EEF1E1: variants seen among roughly 807,000 people sequenced by gnomAD.
EEF1E1 encodes eukaryotic translation elongation factor 1 epsilon-1.
A neutral mutation model predicts 19.9 loss-of-function variants in EEF1E1; 19 were observed. The observed-to-expected ratio is 0.95, with a 90% CI of 0.66 to 1.40. The LOEUF is 1.40. Among genes scored for constraint, EEF1E1 ranks in the 40% most tolerant of loss-of-function variants. The pLI, the probability that EEF1E1 is intolerant of heterozygous loss-of-function variation, is 0.00. For synonymous variants in EEF1E1, 81 were observed against 80.0 expected (o/e 1.01, Z -0.07); for missense variants, 198 against 202.2 (o/e 0.98, Z 0.13).
chr6:8,083,922 C>T (rs908039487), intron 3 of EEF1E1, among the ~76,000 whole-genome samples: 7 of 152,120 alleles, frequency 4.6e-5, no homozygotes, highest in Non-Finnish European at 8.8e-5. Context: ...CCCAACTTAA[C>T]TGGAATGTCA....
chr6:8,083,144 C>A (rs890459153), intron 3 of EEF1E1, among the ~76,000 whole-genome samples: 2 of 152,098 alleles, frequency 1.3e-5, no homozygotes, highest in African/African-American at 2.4e-5. Context: ...AACTTTAAAG[C>A]CAAGCAGATA....
intron 1 of EEF1E1, among the ~76,000 whole-genome samples, chr6:8,099,796 A>T (rs1425823721): frequency 6.7e-6 from 1 of 149,616 alleles, no homozygotes; most frequent in East Asian, 2.0e-4. Context: ...ACACACAAAA[A>T]AAAAACAGAA....
rs564995509 is a variant in EEF1E1, at chr6:8,086,947, C to T, written c.384+3239G>A. On this transcript the variant is annotated intron_variant, in intron 3 of 3. Coordinates refer to ENST00000379715, the MANE Select transcript of EEF1E1 (RefSeq NM_004280.5). ...TACAGTAAGAGTGAAATGAGCTAGACCCGAAGTGTACATGAGGTACAAACA... is the reference window on the plus strand; with the variant it reads ...TACAGTAAGAGTGAAATGAGCTAGATCCGAAGTGTACATGAGGTACAAACA... Among the ~76,000 whole-genome samples, 34 of 152,106 alleles carry T rather than the reference C, an allele frequency of 2.2e-4. 2 individuals carry two copies. The South Asian group carries it at 6.2e-3, about 28-fold the overall frequency.
At chr6:8,075,534 CA>C (rs1757569022), downstream of EEF1E1, among the ~76,000 whole-genome samples, 1 of 152,152 alleles carries the variant, frequency 6.6e-6, no homozygotes, top group Admixed American at 6.5e-5. Context: ...TGTCTAAAAC[CA>C]CAATGTATGC....
At chr6:8,091,433 T>C (rs1178001099) in intron 2 of EEF1E1, among the ~76,000 whole-genome samples, 2 of 152,238 alleles carry the variant, frequency 1.3e-5, no homozygotes. Context: ...ATTCTGAATA[T>C]TAACCCCTTA....
intron 2 of EEF1E1, among the ~76,000 whole-genome samples, chr6:8,095,023 A>C (rs965980688): frequency 4.6e-5 from 7 of 152,206 alleles, no homozygotes; most frequent in Non-Finnish European, 8.8e-5. Flanking sequence ...GTAGGCTATT[A>C]GCAATTGAGT....
At chr6:8,085,909 AAC>A (rs1757841267) in intron 3 of EEF1E1, among the ~76,000 whole-genome samples, 1 of 152,174 alleles carries the variant, frequency 6.6e-6, no homozygotes, top group Non-Finnish European at 1.5e-5. Flanking sequence ...TTTCATGTAA[AAC>A]AGTCTAATTT....
rs142809852 is a variant in EEF1E1, at chr6:8,097,367, C to A, written c.188G>T (p.Ser63Ile). 27 of 1,614,024 alleles carry A rather than the reference C, an allele frequency of 1.7e-5. No homozygotes were observed. The Admixed American group carries it at 4.5e-4, about 27-fold the overall frequency. Reference sequence around the variant, plus strand: ...AACGATTGCTTTTTCTTCTGCAGTACTCCCCAGCAAATATTCTTTGTTGGC... The same window carrying A: ...AACGATTGCTTTTTCTTCTGCAGTAATCCCCAGCAAATATTCTTTGTTGGC... ...KQANKEYLLG[S>I]TAEEKAIVQQ... The change falls in exon 2 of 4, where the codon AGT (serine) becomes ATT (isoleucine). Residue 63 changes from serine to isoleucine, a missense_variant. By Grantham distance (142) the Ser-to-Ile change is moderately radical. Transcript: ENST00000379715.
chr6:8,099,646 C>G (rs1758269799), intron 1 of EEF1E1, among the ~76,000 whole-genome samples: 1 of 151,928 alleles, frequency 6.6e-6, no homozygotes, highest in Admixed American at 6.6e-5. Context: ...ACACGGGAGG[C>G]TGAGGCAGGA....
At chr6:8,099,900 G>A (rs1198803982) in intron 1 of EEF1E1, among the ~76,000 whole-genome samples, 2 of 151,908 alleles carry the variant, frequency 1.3e-5, no homozygotes, top group African/African-American at 2.4e-5. Context: ...GTATGTCAAT[G>A]TGTTGATGTA....
rs1265474492 is a variant in EEF1E1 at position 8,090,233 on chromosome 6, AGTTATACCCT to A, written c.327_336del (p.Gly110LeufsTer3). The stretch of plus-strand genomic sequence containing the variant: ...TACAATAGTATATCTGCTAATGTAA[AGTTATACCCT>A]GTAAGGTAGACTTTATCTTCAAGAT... On this transcript the variant is annotated frameshift_variant, in exon 3 of 4. Transcript: ENST00000379715. LOFTEE classifies it high-confidence loss of function. The A allele has an allele frequency of 1.6e-5, 25 of 1,520,278 alleles. No individual in the cohort carries two copies. The highest frequency in any genetic ancestry group is 2.1e-5 in the Non-Finnish European group (24 of 1,143,248). 94.2% of individuals were successfully genotyped at this position (1,520,278 alleles called of 1,614,324 possible). A position where few individuals can be genotyped will look rare whatever the true frequency, so the allele number is the denominator to read the frequency against.
chr6:8,097,856 C>T (rs902445984), intron 1 of EEF1E1, among the ~76,000 whole-genome samples: 2 of 152,154 alleles, frequency 1.3e-5, no homozygotes, highest in African/African-American at 4.8e-5. Context: ...AACCTGACTT[C>T]ATGTTTCCCC....
downstream of EEF1E1, among the ~76,000 whole-genome samples, chr6:8,076,306 ATTTC>A (rs1329689327): frequency 6.6e-6 from 1 of 151,840 alleles, no homozygotes; most frequent in African/African-American, 2.4e-5. Context: ...TACAAAATGT[ATTTC>A]TTTCTTTCTC....
Position 8,079,760 on chromosome 6 carries a change from A to G in EEF1E1, c.*130T>C. 1 of 1,340,388 alleles carries G rather than the reference A, an allele frequency of 7.5e-7. No individual in the cohort carries two copies. The highest frequency in any genetic ancestry group is 9.6e-7 in the Non-Finnish European group (1 of 1,041,750). The allele number at this position is 1,340,388 out of a possible 1,614,324, so 83.0% of individuals were successfully genotyped here. A position where few individuals can be genotyped will look rare whatever the true frequency, so the allele number is the denominator to read the frequency against. Reference sequence around the variant, plus strand: ...ATAAAACATTCAGACACAAGTTTACACTTCAAAAATTCTATCAACTTCAAC... The same window carrying G: ...ATAAAACATTCAGACACAAGTTTACGCTTCAAAAATTCTATCAACTTCAAC... On this transcript the variant is annotated 3_prime_UTR_variant, in exon 4 of 4. Coordinates refer to ENST00000379715, the MANE Select transcript of EEF1E1 (RefSeq NM_004280.5).
At position 8,079,681 on chromosome 6, in the gene EEF1E1, T is replaced by C. The variant is rs1757678423; in HGVS notation, c.*209A>G. 2 of 1,264,030 alleles carry C rather than the reference T, an allele frequency of 1.6e-6. No homozygotes were observed. The highest frequency in any genetic ancestry group is 2.8e-5 in the South Asian group (1 of 35,094). 78.3% of individuals were successfully genotyped at this position (1,264,030 alleles called of 1,614,324 possible). A position where few individuals can be genotyped will look rare whatever the true frequency, so the allele number is the denominator to read the frequency against. ...AATTTATAACTGGATCTCAACTTGT[T>C]TAATAGCAATTGAATTTTGACATAA... is the stretch of plus-strand genomic sequence containing the variant. On this transcript the variant is annotated 3_prime_UTR_variant, in exon 4 of 4. Transcript: ENST00000379715.
At chr6:8,096,776 T>TA (rs1439668171) in intron 2 of EEF1E1, among the ~76,000 whole-genome samples, 1 of 152,050 alleles carries the variant, frequency 6.6e-6, no homozygotes, top group African/African-American at 2.4e-5. Context: ...CCTTTGAAAA[T>TA]AAAAATTTAA....
At chr6:8,075,840 C>G (rs1757576826), downstream of EEF1E1, among the ~76,000 whole-genome samples, 1 of 152,220 alleles carries the variant, frequency 6.6e-6, no homozygotes, top group Non-Finnish European at 1.5e-5. Context: ...CAATCCTCTC[C>G]AACCCTGCAG....
At chr6:8,075,505 T>G (rs1757568204), downstream of EEF1E1, among the ~76,000 whole-genome samples, 1 of 152,252 alleles carries the variant, frequency 6.6e-6, no homozygotes, top group South Asian at 2.1e-4. Flanking sequence ...TGGAGTCTAT[T>G]CGGTGTACAA....
chr6:8,092,293 A>T (rs1432435243), intron 2 of EEF1E1, among the ~76,000 whole-genome samples: 1 of 152,202 alleles, frequency 6.6e-6, no homozygotes, highest in Non-Finnish European at 1.5e-5. Context: ...AAATGTTTGC[A>T]GAATATAGTG....
Sources: allele counts gnomAD v4.1 joint callset (sites outside exome capture counted in the v4.1 genomes callset), GRCh38; gene constraint gnomAD v4.1.1; transcripts MANE v1.5; gene names NCBI Gene and HGNC (gene_info 2026-07-23, HGNC 2026-07-21).